The following PPP1R9B variants were observed in gnomAD, a reference collection of about 807,000 sequenced individuals.
PPP1R9B encodes protein phosphatase 1 regulatory subunit 9B.
In PPP1R9B, 17 loss-of-function variants were observed where a neutral mutation model predicts 75.8. The ratio of observed to expected loss-of-function variants is 0.22; its 90% CI spans 0.15 to 0.34. The LOEUF (loss-of-function observed/expected upper bound fraction) is 0.34, where lower values mean the gene tolerates loss of function less well. Among genes scored for constraint, PPP1R9B ranks in the 10% least tolerant of loss-of-function variants. The probability of loss-of-function intolerance (pLI) is 1.00; values close to 1 mark genes in which losing one functional copy is unlikely to be tolerated. For synonymous variants in PPP1R9B, 509 were observed against 535.4 expected (o/e 0.95, Z 0.68); for missense variants, 875 against 1,196.0 (o/e 0.73, Z 3.96).
At chr17:50,148,237 G>A (rs1342942620) in intron 1 of PPP1R9B, among the ~76,000 whole-genome samples, 1 of 152,254 alleles carries the variant, frequency 6.6e-6, no homozygotes, top group Admixed American at 6.5e-5. Context: ...AATAGTGGCC[G>A]TGGGGATGAG....
chr17:50,135,323 G>A lies in PPP1R9B; in HGVS notation c.*8C>T. ...GTTAATTATTGTCCAGTCATGGAAT[G>A]ATTCCTGTTAAGTAGAATTGGAATT... On this transcript the variant is annotated 3_prime_UTR_variant, in exon 10 of 10. Transcript: ENST00000612501. 1 of 1,610,368 alleles carries A rather than the reference G, an allele frequency of 6.2e-7. No homozygotes were observed. The highest frequency in any genetic ancestry group is 2.2e-5 in the East Asian group (1 of 44,868).
Position 50,135,048 on chromosome 17 carries a change from G to T in PPP1R9B, c.*283C>A, listed in dbSNP as rs1465354343. ...TGATCTGCAGGTGCTTGTGTCCGTC[G>T]ACCACCAGGCCAGCCCTCGGCAGCC... On this transcript the variant is annotated 3_prime_UTR_variant, in exon 10 of 10. Transcript: ENST00000612501. 1 of 503,092 alleles carries T rather than the reference G, an allele frequency of 2.0e-6. No homozygotes were observed. Among genetic ancestry groups the T allele is most frequent in the African/African-American group, 1.9e-5 (1 of 51,966 alleles). The allele number at this position is 503,092 out of a possible 1,614,324, so 31.2% of individuals were successfully genotyped here.
At position 50,141,289 on chromosome 17, in the gene PPP1R9B, CCGGAGCACAGACGCCG is replaced by C; in HGVS notation, c.1694_1709del (p.Ala565GlyfsTer10). On this transcript the variant is annotated frameshift_variant, in exon 4 of 10. Coordinates refer to ENST00000612501, the MANE Select transcript of PPP1R9B (RefSeq NM_032595.5). LOFTEE classifies it high-confidence loss of function. Reference sequence around the variant, plus strand: ...CTCACCGCACTCGGCCCTTGGTGTTCCGGAGCACAGACGCCGCGAAGCTCTGGGTCACTCCCACCAG... The same window carrying C: ...CTCACCGCACTCGGCCCTTGGTGTTCCGAAGCTCTGGGTCACTCCCACCAG... The C allele has an allele frequency of 6.3e-7, 1 of 1,586,262 alleles. No individual in the cohort carries two copies. The highest frequency in any genetic ancestry group is 8.6e-7 in the Non-Finnish European group (1 of 1,167,280).
In PPP1R9B at chr17:50,149,900, G is replaced by A. The variant is rs377573237; in HGVS notation, c.614C>T (p.Ser205Phe). 1 of 1,507,308 alleles carries A rather than the reference G, an allele frequency of 6.6e-7. No homozygotes were observed. The highest frequency in any genetic ancestry group is 8.8e-7 in the Non-Finnish European group (1 of 1,135,278). The allele number at this position is 1,507,308 out of a possible 1,614,324, so 93.4% of individuals were successfully genotyped here. The stretch of plus-strand genomic sequence containing the variant: ...GGCGCTGAGCTGGCTGACCGTGGGG[G>A]ACACGGCGTCAGCGTCCAGCTTGTC... Reference protein sequence around the residue: ...ALDKLDADAVSPTVSQLSAVF... With the variant: ...ALDKLDADAVFPTVSQLSAVF... The change falls in exon 1 of 10, where the codon TCC (serine) becomes TTC (phenylalanine). Residue 205 changes from serine (S) to phenylalanine (F), a missense_variant. Coordinates refer to ENST00000612501, the MANE Select transcript of PPP1R9B (RefSeq NM_032595.5). The surrounding 1 kb of genome is among the most constrained non-coding windows in gnomAD (Gnocchi z 7.2).
At position 50,147,354 on chromosome 17, in the gene PPP1R9B, G is replaced by T. The variant is rs543201813; in HGVS notation, c.1371+1789C>A. On this transcript the variant is annotated intron_variant, in intron 1 of 9. Coordinates refer to ENST00000612501, the MANE Select transcript of PPP1R9B (RefSeq NM_032595.5). ...AACAATTGGGTCATCCATGGGGACC[G>T]GGACCCTGGACTTGGCATCAAGGCA... Among the ~76,000 whole-genome samples, 7 of 152,238 alleles carry T rather than the reference G, an allele frequency of 4.6e-5. No homozygotes were observed. In the South Asian group the frequency reaches 1.4e-3, roughly 32 times the overall value.
In PPP1R9B at chr17:50,134,721, G is replaced by C. The variant is rs1567726713; in HGVS notation, c.*610C>G. ...ACATGAGAAATCAGTGCAGGGCCAG[G>C]GCCAGGCCCAGCCTCCGGGCTCTGG... On this transcript the variant is annotated 3_prime_UTR_variant, in exon 10 of 10. Transcript: ENST00000612501. 1 of 155,604 alleles carries C rather than the reference G, an allele frequency of 6.4e-6. No individual in the cohort carries two copies. The highest frequency in any genetic ancestry group is 2.4e-5 in the African/African-American group (1 of 41,462). The allele number at this position is 155,604 out of a possible 1,614,324, so 9.6% of individuals were successfully genotyped here. A position where few individuals can be genotyped will look rare whatever the true frequency, so the allele number is the denominator to read the frequency against.
intron 1 of PPP1R9B, among the ~76,000 whole-genome samples, chr17:50,145,804 G>C (rs749396433): frequency 1.1e-4 from 16 of 152,072 alleles, no homozygotes; most frequent in Non-Finnish European, 2.2e-4. Flanking sequence ...AGGTACCCAG[G>C]ACTGGCTCTG....
Position 50,150,053 on chromosome 17 carries a change from C to T in PPP1R9B, c.461G>A (p.Ser154Asn). 6.8e-7 allele frequency: 1 copy of T among 1,464,452 alleles called. No homozygotes were observed. The highest frequency in any genetic ancestry group is 9.0e-7 in the Non-Finnish European group (1 of 1,117,180). The allele number at this position is 1,464,452 out of a possible 1,614,324, so 90.7% of individuals were successfully genotyped here. ...GTCGCCGCCTGCGGCCGCTGGGGCG[C>T]TCCGTTCGAACAGCTTCCGCGTCTC... ...LQETRKLFER[S>N]APAAAGGDKE... The change falls in exon 1 of 10, where the codon AGC becomes AAC. Residue 154 changes from serine (S) to asparagine (N), a missense_variant. Ser to Asn is a conservative substitution (Grantham distance 46). This residue lies in a region of PPP1R9B where 449 missense variants were observed against 475.0 expected (regional missense o/e 0.95). Transcript: ENST00000612501. The surrounding 1 kb of genome is among the most constrained non-coding windows in gnomAD (Gnocchi z 8.7).
At position 50,142,552 on chromosome 17, in the gene PPP1R9B, A is replaced by G. The variant is rs905590610; in HGVS notation, c.1625+1046T>C. ...GGGCAGCCCCATCTCTAGAAACAAG[A>G]TCCCAAAGTCACCCAGATCCCAAAG... On this transcript the variant is annotated intron_variant, in intron 3 of 9. Transcript: ENST00000612501. The surrounding 1 kb of genome is among the most constrained non-coding windows in gnomAD (Gnocchi z 4.1). 6.6e-6 allele frequency among the ~76,000 whole-genome samples: 1 copy of G among 152,072 alleles called. No homozygotes were observed. The highest frequency in any genetic ancestry group is 2.4e-5 in the African/African-American group (1 of 41,392).
intron 3 of PPP1R9B, 107 bp from the exon 4 acceptor site, chr17:50,141,480 G>A: frequency 1.5e-6 from 1 of 646,982 alleles, no homozygotes; most frequent in Non-Finnish European, 2.6e-6. Context: ...AGTACATAGT[G>A]AGAACTCATC....
At chr17:50,147,658 G>A (rs1912549690) in intron 1 of PPP1R9B, among the ~76,000 whole-genome samples, 1 of 152,168 alleles carries the variant, frequency 6.6e-6, no homozygotes, top group Non-Finnish European at 1.5e-5. Context: ...TAGTGGGGGT[G>A]GGGTGGGGGG....
rs2144463786 is a variant in PPP1R9B, at chr17:50,150,626, CT to C, written c.-114del. ...CCCCGATAAAAGAAACCCCGAAGGCCTTTTTTAGGGTCCCCCCAAAACCAAG... is the reference window on the plus strand; with the variant it reads ...CCCCGATAAAAGAAACCCCGAAGGCCTTTTTAGGGTCCCCCCAAAACCAAG... On this transcript the variant is annotated 5_prime_UTR_variant, in exon 1 of 10. Coordinates refer to ENST00000612501, the MANE Select transcript of PPP1R9B (RefSeq NM_032595.5). The surrounding 1 kb of genome is among the most constrained non-coding windows in gnomAD (Gnocchi z 8.7). 9 of 1,102,840 alleles carry C rather than the reference CT, an allele frequency of 8.2e-6. No individual in the cohort carries two copies. Among genetic ancestry groups the C allele is most frequent in the South Asian group, 4.0e-5 (1 of 24,914 alleles). 68.3% of individuals were successfully genotyped at this position (1,102,840 alleles called of 1,614,324 possible). A position where few individuals can be genotyped will look rare whatever the true frequency, so the allele number is the denominator to read the frequency against.
In PPP1R9B at chr17:50,149,500, T is replaced by A; in HGVS notation, c.1014A>T (p.Ala338=). The part of the protein sequence containing the change: ...ALENGSTVAT[A]ASPAPEEPKA... ...TTGGCTCCTCGGGCGCGGGGCTGGC[T>A]GCAGTTGCCACGGTGCTGCCATTCT... is the stretch of plus-strand genomic sequence containing the variant. Residue 338 remains alanine (A), a synonymous_variant, in exon 1 of 10, where the codon GCA becomes GCT. Transcript: ENST00000612501. The surrounding 1 kb of genome is among the most constrained non-coding windows in gnomAD (Gnocchi z 7.2). 6.3e-7 allele frequency: 1 copy of A among 1,597,062 alleles called. No individual in the cohort carries two copies. Among genetic ancestry groups the A allele is most frequent in the Non-Finnish European group, 8.5e-7 (1 of 1,173,226 alleles).
Position 50,150,125 on chromosome 17 carries a change from G to A in PPP1R9B, c.389C>T (p.Pro130Leu). Residue 130 changes from proline to leucine, a missense_variant, in exon 1 of 10, where the codon CCC becomes CTC. By Grantham distance (98) the Pro-to-Leu change is moderately conservative. Around this residue, in one of 4 missense-constraint regions of PPP1R9B, gnomAD observed 145 missense variants for 226.1 expected, o/e 0.64. Coordinates refer to ENST00000612501, the MANE Select transcript of PPP1R9B (RefSeq NM_032595.5). The surrounding 1 kb of genome is among the most constrained non-coding windows in gnomAD (Gnocchi z 8.7). The stretch of plus-strand genomic sequence containing the variant: ...CGGCGGCGGCGCAGGCTGCGCGGAG[G>A]GCGCGGGCTTGGAGTCGAAGCGGCT... ...RVSRFDSKPA[P>L]SAQPAPPPHP... 2.1e-6 allele frequency: 3 copies of A among 1,412,470 alleles called. No homozygotes were observed. Among genetic ancestry groups the A allele is most frequent in the Non-Finnish European group, 1.8e-6 (2 of 1,089,504 alleles). 87.5% of individuals were successfully genotyped at this position (1,412,470 alleles called of 1,614,324 possible).
chr17:50,146,720 C>T (rs939373940), intron 1 of PPP1R9B, among the ~76,000 whole-genome samples: 4 of 152,194 alleles, frequency 2.6e-5, no homozygotes, highest in Admixed American at 6.5e-5. Flanking sequence ...TTGCACCCCT[C>T]GAACAAACAG....
intron 9 of PPP1R9B, 76 bp from the exon 10 acceptor site, chr17:50,135,460 G>A (rs1220264787): frequency 4.4e-6 from 7 of 1,577,154 alleles, no homozygotes; most frequent in African/African-American, 1.4e-5. Context: ...CCCCGGTGAG[G>A]ACATGGCATC....
In PPP1R9B at chr17:50,135,091, A is replaced by G; in HGVS notation, c.*240T>C. On this transcript the variant is annotated 3_prime_UTR_variant, in exon 10 of 10. Transcript: ENST00000612501. The stretch of plus-strand genomic sequence containing the variant: ...CGGCAGCCCTCGGCCTCTGTGCCTC[A>G]GCCCCATGGGGCAAGAAAGAGGCTG... 1.7e-6 allele frequency: 1 copy of G among 573,130 alleles called. No homozygotes were observed. The allele number at this position is 573,130 out of a possible 1,614,324, so 35.5% of individuals were successfully genotyped here.
At position 50,139,369 on chromosome 17, in the gene PPP1R9B, C is replaced by T; in HGVS notation, c.2020-53G>A. ...CTCCAGCAGGGTGGGGCAGGCAGTG[C>T]CAAGGGCAGGAGACCTGCCTGCCTT... is the stretch of plus-strand genomic sequence containing the variant. On this transcript the variant is annotated intron_variant, in intron 6 of 9. Transcript: ENST00000612501. The surrounding 1 kb of genome is among the most constrained non-coding windows in gnomAD (Gnocchi z 5.0). 2 of 1,613,668 alleles carry T rather than the reference C, an allele frequency of 1.2e-6. No homozygotes were observed. The highest frequency in any genetic ancestry group is 1.7e-6 in the Non-Finnish European group (2 of 1,179,822).
At chr17:50,136,630 C>T (rs1417967460) in intron 7 of PPP1R9B, among the ~76,000 whole-genome samples, 1 of 152,080 alleles carries the variant, frequency 6.6e-6, no homozygotes, top group African/African-American at 2.4e-5. Flanking sequence ...TCTGCAGCCC[C>T]AGCCCTGCTC....
Sources: gnomAD v4.1 joint callset for allele counts (sites outside exome capture counted in the v4.1 genomes callset) on GRCh38, gnomAD v4.1.1 for gene constraint, gnomAD v4.1.1 regional missense constraint, Gnocchi (gnomAD v3.1) non-coding constraint, MANE v1.5 for transcripts, NCBI Gene and HGNC (gene_info 2026-07-23, HGNC 2026-07-21) for gene names.